The following TRDN variants were observed in gnomAD, a reference collection of about 807,000 sequenced individuals.
TRDN encodes triadin in skeletal muscle.
In TRDN, 161 loss-of-function variants were observed where a neutral mutation model predicts 149.7. The ratio of observed to expected loss-of-function variants is 1.08; its 90% CI spans 0.95 to 1.23. The LOEUF is 1.23. Ranked by LOEUF, TRDN falls within the 50% of genes most tolerant of loss-of-function variation. TRDN has a pLI of 0.00. For synonymous variants in TRDN, 294 were observed against 250.5 expected, an observed-to-expected ratio of 1.17 and a Z score of -1.64; for missense variants, 896 against 823.5, an observed-to-expected ratio of 1.09 and a Z score of -1.08.
At chr6:123,443,481 G>C (rs1004097370) in intron 10 of TRDN, among the ~76,000 whole-genome samples, 10 of 152,080 alleles carry the variant, frequency 6.6e-5, no homozygotes, top group African/African-American at 1.9e-4. Context: ...ATGACAGCAG[G>C]CTAGATAAAT....
chr6:123,581,099 G>T (rs538450513), intron 1 of TRDN, among the ~76,000 whole-genome samples: 1 of 152,232 alleles, frequency 6.6e-6, no homozygotes, highest in East Asian at 1.9e-4. Context: ...CAGAGATATT[G>T]AATTCCTGAG....
Position 123,279,351 on chromosome 6 carries a change from A to G in TRDN, c.1511-269T>C, listed in dbSNP as rs568277936. On this transcript the variant is annotated intron_variant, in intron 24 of 40. Transcript: ENST00000334268. ...CACAATTCTTCATTTGTGTGAATAT[A>G]GAAGTAGCCATAGATAATAATGTAA... Among the ~76,000 whole-genome samples the G allele has an allele frequency of 3.0e-3, 459 of 152,272 alleles. 1 individual carries two copies. The highest frequency in any genetic ancestry group is 5.4e-3 in the Non-Finnish European group (364 of 68,014).
intron 9 of TRDN, among the ~76,000 whole-genome samples, chr6:123,477,417 C>T (rs2082307080): frequency 6.7e-6 from 1 of 149,706 alleles, no homozygotes; most frequent in Admixed American, 6.6e-5. Flanking sequence ...ACAACAGGTG[C>T]TGGGGAGGAT....
At chr6:123,242,587 G>T (rs1018773228) in intron 38 of TRDN, among the ~76,000 whole-genome samples, 1 of 152,062 alleles carries the variant, frequency 6.6e-6, no homozygotes, top group African/African-American at 2.4e-5. Flanking sequence ...AGAAACAAAA[G>T]TATCAAGTAG....
intron 23 of TRDN, among the ~76,000 whole-genome samples, chr6:123,326,931 G>A (rs559445016): frequency 6.6e-6 from 1 of 151,972 alleles, no homozygotes; most frequent in South Asian, 2.1e-4. Flanking sequence ...TCTAATGTGT[G>A]GCTAATCTTC....
At chr6:123,598,227 T>C (rs1381788427) in intron 1 of TRDN, among the ~76,000 whole-genome samples, 1 of 152,048 alleles carries the variant, frequency 6.6e-6, no homozygotes. Flanking sequence ...AGTGAAAGCA[T>C]GTAATATTCA....
chr6:123,571,767 G>A (rs1046570734), intron 1 of TRDN, among the ~76,000 whole-genome samples: 3 of 151,818 alleles, frequency 2.0e-5, no homozygotes, highest in African/African-American at 4.8e-5. Context: ...GTTTTGACAA[G>A]TCATTAGCAC....
At chr6:123,319,760 A>G (rs925460757) in intron 23 of TRDN, among the ~76,000 whole-genome samples, 5 of 152,148 alleles carry the variant, frequency 3.3e-5, no homozygotes. Context: ...ATGGAACCAA[A>G]AAGTCCCCAT....
chr6:123,410,946 A>G (rs575746195), intron 12 of TRDN, among the ~76,000 whole-genome samples: 52 of 152,016 alleles, frequency 3.4e-4, no homozygotes, highest in South Asian at 8.3e-4. Context: ...TATACCCAAT[A>G]CTAATATAAT....
At chr6:123,573,892 G>C (rs1782697451) in intron 1 of TRDN, among the ~76,000 whole-genome samples, 2 of 151,896 alleles carry the variant, frequency 1.3e-5, no homozygotes, top group African/African-American at 4.8e-5. Context: ...TTAAGTATTG[G>C]AGAAAGAAAT....
chr6:123,267,836 GT>G, intron 31 of TRDN, 85 bp from the exon 32 acceptor site: 1 of 1,071,374 alleles, frequency 9.3e-7, no homozygotes, highest in Non-Finnish European at 1.3e-6. Context: ...GTGATCCTCA[GT>G]TTACCCAAGA....
In TRDN at chr6:123,216,438, A is replaced by T. The variant is rs918448260; in HGVS notation, c.*2163T>A. 2 of 152,028 alleles carry T rather than the reference A, an allele frequency of 1.3e-5. No individual in the cohort carries two copies. The highest frequency in any genetic ancestry group is 4.8e-5 in the African/African-American group (2 of 41,444). 9.4% of individuals were successfully genotyped at this position (152,028 alleles called of 1,614,324 possible). A position where few individuals can be genotyped will look rare whatever the true frequency, so the allele number is the denominator to read the frequency against. ...CTATGATCATTGTAACTTTAATCAG[A>T]TAAAACGTAATTATTATTAACATTT... On this transcript the variant is annotated 3_prime_UTR_variant, in exon 41 of 41. Transcript: ENST00000334268.
intron 2 of TRDN, among the ~76,000 whole-genome samples, chr6:123,554,186 T>A (rs955303735): frequency 1.3e-5 from 2 of 150,518 alleles, no homozygotes; most frequent in African/African-American, 2.5e-5. Context: ...GAGGTAAAGG[T>A]TTTTTTTTAA....
rs564409765 is a variant in TRDN at position 123,585,519 on chromosome 6, C to T, written c.23-14387G>A. 1.7e-4 allele frequency among the ~76,000 whole-genome samples: 26 copies of T among 152,264 alleles called. No individual in the cohort carries two copies. In the East Asian group the frequency reaches 4.6e-3, roughly 27 times the overall value. ...CCCGAAGCTCGGCATCCATGATGGTCTAGGGGGCTTCCGAGGCGATTGGGC... is the reference window on the plus strand; with the variant it reads ...CCCGAAGCTCGGCATCCATGATGGTTTAGGGGGCTTCCGAGGCGATTGGGC... On this transcript the variant is annotated intron_variant, in intron 1 of 40. Coordinates refer to ENST00000334268, the MANE Select transcript of TRDN (RefSeq NM_006073.4).
Position 123,469,483 on chromosome 6 carries a change from C to T in TRDN, c.854-4500G>A, listed in dbSNP as rs1426234426. 3.9e-5 allele frequency among the ~76,000 whole-genome samples: 6 copies of T among 152,266 alleles called. No individual in the cohort carries two copies. In the East Asian group the frequency reaches 9.7e-4, roughly 25 times the overall value. ...TTCAAATTTGCCTATTAAACAAAGA[C>T]CTCTCCAACTGGGAATAATCTGAAG... On this transcript the variant is annotated intron_variant, in intron 9 of 40. Coordinates refer to ENST00000334268, the MANE Select transcript of TRDN (RefSeq NM_006073.4).
chr6:123,444,592 T>G (rs1775184220), intron 10 of TRDN, among the ~76,000 whole-genome samples: 1 of 150,314 alleles, frequency 6.7e-6, no homozygotes, highest in African/African-American at 2.4e-5. Flanking sequence ...CATCCCTGTC[T>G]TGTGCCAGTT....
chr6:123,395,104 T>C (rs1377422623), intron 12 of TRDN, among the ~76,000 whole-genome samples: 1 of 152,204 alleles, frequency 6.6e-6, no homozygotes, highest in Non-Finnish European at 1.5e-5. Flanking sequence ...ATACTGCAAT[T>C]TGTAATTAAA....
At chr6:123,402,637 G>A (rs1373027422) in intron 12 of TRDN, among the ~76,000 whole-genome samples, 2 of 152,064 alleles carry the variant, frequency 1.3e-5, no homozygotes, top group East Asian at 1.9e-4. Context: ...AAAGTTACAC[G>A]GCAGTGTTTT....
At chr6:123,438,359 A>G (rs1443490284) in intron 11 of TRDN, among the ~76,000 whole-genome samples, 2 of 151,738 alleles carry the variant, frequency 1.3e-5, no homozygotes, top group African/African-American at 4.9e-5. Flanking sequence ...AAATTATTTA[A>G]TAACAGTGAA....
Sources: allele counts gnomAD v4.1 joint callset (sites outside exome capture counted in the v4.1 genomes callset), GRCh38; gene constraint gnomAD v4.1.1; transcripts MANE v1.5; gene names NCBI Gene and HGNC (gene_info 2026-07-23, HGNC 2026-07-21).